Variants in KCNN3 observed in about 807,000 individuals in gnomAD.
KCNN3 encodes the protein potassium calcium-activated channel subfamily N member 3.
In KCNN3, 16 loss-of-function variants were observed where a neutral mutation model predicts 62.9. That is an observed-to-expected ratio of 0.25 (90% CI 0.17 to 0.39). The LOEUF (loss-of-function observed/expected upper bound fraction) is 0.39, where lower values mean the gene tolerates loss of function less well. Among genes scored for constraint, KCNN3 ranks in the 10% least tolerant of loss-of-function variants. The pLI is 1.00. For missense variants in KCNN3, 599 were observed against 949.4 expected (o/e 0.63, Z 4.85); for synonymous variants, 370 against 389.2 (o/e 0.95, Z 0.58).
chr1:154,743,767 C>T (rs1261993726), intron 3 of KCNN3, among the ~76,000 whole-genome samples: 3 of 152,140 alleles, frequency 2.0e-5, no homozygotes, highest in Non-Finnish European at 4.4e-5. Flanking sequence ...TTTTGCTCAG[C>T]GGCAGGCTGA....
At chr1:154,751,174 G>T (rs1571238022) in intron 3 of KCNN3, among the ~76,000 whole-genome samples, 2 of 152,234 alleles carry the variant, frequency 1.3e-5, no homozygotes, top group African/African-American at 4.8e-5. Flanking sequence ...CCAACTCGCG[G>T]TGTGAGTCTG....
chr1:154,852,539 T>C (rs568074277), intron 1 of KCNN3, among the ~76,000 whole-genome samples: 5 of 152,258 alleles, frequency 3.3e-5, no homozygotes, highest in African/African-American at 1.2e-4. Flanking sequence ...TTGTAAATTT[T>C]ATAAACTCTA....
chr1:154,766,916 C>T (rs1205602333), intron 3 of KCNN3, among the ~76,000 whole-genome samples: 1 of 152,018 alleles, frequency 6.6e-6, no homozygotes, highest in African/African-American at 2.4e-5. Flanking sequence ...CTCCTGACCT[C>T]GTGATCTGCC....
At chr1:154,777,693 G>T (rs1319227922) in intron 2 of KCNN3, among the ~76,000 whole-genome samples, 2 of 152,208 alleles carry the variant, frequency 1.3e-5, no homozygotes, top group Non-Finnish European at 1.5e-5. Flanking sequence ...CTCCCCTAGG[G>T]CTTAGTCTCA....
At chr1:154,773,110 C>A (rs1465941067) in intron 2 of KCNN3, among the ~76,000 whole-genome samples, 2 of 152,086 alleles carry the variant, frequency 1.3e-5, no homozygotes, top group African/African-American at 4.8e-5. Context: ...TTTCGTCACC[C>A]AGGTACTATT....
intron 3 of KCNN3, among the ~76,000 whole-genome samples, chr1:154,765,806 G>T (rs558629029): frequency 1.7e-4 from 25 of 144,262 alleles, no homozygotes; most frequent in Admixed American, 4.8e-4. Context: ...GTTTTTTTTT[G>T]TTTTGTTTTG....
At chr1:154,775,581 C>T (rs1302461991) in intron 2 of KCNN3, among the ~76,000 whole-genome samples, 1 of 134,918 alleles carries the variant, frequency 7.4e-6, no homozygotes, top group Non-Finnish European at 1.6e-5. Context: ...CACCCACCCA[C>T]CCATGAGGAT....
intron 3 of KCNN3, among the ~76,000 whole-genome samples, chr1:154,767,169 G>T (rs1169551507): frequency 6.6e-6 from 1 of 152,202 alleles, no homozygotes; most frequent in Non-Finnish European, 1.5e-5. Flanking sequence ...TACAATGGGA[G>T]TGGTGGCTCT....
intron 7 of KCNN3, among the ~76,000 whole-genome samples, chr1:154,712,884 C>A (rs1167155667): frequency 6.6e-6 from 1 of 152,164 alleles, no homozygotes; most frequent in Non-Finnish European, 1.5e-5. Context: ...CACCCTAGGG[C>A]TCTCAAAAGA....
intron 1 of KCNN3, among the ~76,000 whole-genome samples, chr1:154,861,588 A>T (rs1313510085): frequency 1.3e-5 from 2 of 151,958 alleles, no homozygotes; most frequent in Non-Finnish European, 2.9e-5. Flanking sequence ...CCCTCCCATC[A>T]TGGCTTGTCT....
intron 3 of KCNN3, among the ~76,000 whole-genome samples, chr1:154,735,635 G>T (rs1236296976): frequency 6.6e-6 from 1 of 152,090 alleles, no homozygotes; most frequent in African/African-American, 2.4e-5. Flanking sequence ...TCCCAGGATT[G>T]CGTCTACCCC....
At chr1:154,725,663 C>T (rs1700447913) in intron 5 of KCNN3, among the ~76,000 whole-genome samples, 1 of 151,976 alleles carries the variant, frequency 6.6e-6, no homozygotes, top group Admixed American at 6.5e-5. Context: ...CTTGCCTCAG[C>T]CTCCTGAGTA....
chr1:154,743,519 T>C (rs893572174), intron 3 of KCNN3, among the ~76,000 whole-genome samples: 1 of 152,216 alleles, frequency 6.6e-6, no homozygotes, highest in African/African-American at 2.4e-5. Flanking sequence ...TACTCCTGCC[T>C]CAGAGCCCCT....
At chr1:154,766,924 G>A (rs1648322507) in intron 3 of KCNN3, among the ~76,000 whole-genome samples, 1 of 152,008 alleles carries the variant, frequency 6.6e-6, no homozygotes, top group South Asian at 2.1e-4. Flanking sequence ...CTCGTGATCT[G>A]CCCGCCTCGG....
At chr1:154,714,612 G>GGTGTGTGTGTGTGT (rs200006853) in intron 6 of KCNN3, among the ~76,000 whole-genome samples, 3 of 24,822 alleles carry the variant, frequency 1.2e-4, no homozygotes, top group African/African-American at 3.3e-4. Flanking sequence ...TGTGGTGTGT[G>GGTGTGTGTGTGTGT]GTGTGTGTGT....
chr1:154,721,730 G>T (rs953909731), intron 5 of KCNN3, among the ~76,000 whole-genome samples: 4 of 151,980 alleles, frequency 2.6e-5, no homozygotes, highest in African/African-American at 9.7e-5. Context: ...CCAGGGAGTG[G>T]CCTCTGTGAT....
In KCNN3 at chr1:154,706,184, T is replaced by G. The variant is rs1699962071; in HGVS notation, c.*1792A>C. On this transcript the variant is annotated 3_prime_UTR_variant, in exon 8 of 8. Coordinates refer to ENST00000271915, the MANE Select transcript of KCNN3 (RefSeq NM_002249.6). The stretch of plus-strand genomic sequence containing the variant: ...AGAGGGTTAGCAAGAGACTAGATCT[T>G]CCTGAAAAAGTGGCCTTGGCTCTAC... 6.6e-6 allele frequency: 1 copy of G among 152,208 alleles called. No homozygotes were observed. The highest frequency in any genetic ancestry group is 1.5e-5 in the Non-Finnish European group (1 of 68,056). 9.4% of individuals were successfully genotyped at this position (152,208 alleles called of 1,614,324 possible).
Position 154,716,837 on chromosome 1 carries a change from T to C in KCNN3, c.1702-1834A>G, listed in dbSNP as rs1481209211. Among the ~76,000 whole-genome samples, 3 of 152,168 alleles carry C rather than the reference T, an allele frequency of 2.0e-5. No homozygotes were observed. In the East Asian group the frequency reaches 5.8e-4, roughly 29 times the overall value. On this transcript the variant is annotated intron_variant, in intron 5 of 7. Transcript: ENST00000271915. ...GGAACTAGAGTGAACAGCAGCCTCC[T>C]GGCAAAAAAGGCGGCACGGAAGGGA...
chr1:154,831,257 G>A (rs1481943649), intron 1 of KCNN3, among the ~76,000 whole-genome samples: 16 of 152,132 alleles, frequency 1.1e-4, no homozygotes, highest in Non-Finnish European at 2.9e-5. Flanking sequence ...AATATGGAAC[G>A]GTAAATACAG....
Sources: gnomAD v4.1 joint callset for allele counts (sites outside exome capture counted in the v4.1 genomes callset) on GRCh38, gnomAD v4.1.1 for gene constraint, MANE v1.5 for transcripts, NCBI Gene and HGNC (gene_info 2026-07-23, HGNC 2026-07-21) for gene names.